Variants in USH2A observed in about 807,000 individuals in gnomAD.
USH2A encodes Usher syndrome 2A (autosomal recessive, mild).
USH2A carries 443 observed loss-of-function variants against 538.9 expected under a neutral mutation model. The observed-to-expected ratio is 0.82, with a 90% CI of 0.76 to 0.89. USH2A has a LOEUF of 0.89. Among genes scored for constraint, USH2A ranks in the 40% least tolerant of loss-of-function variants. The pLI is 0.00. For synonymous variants in USH2A, 2,413 were observed against 2,273.5 expected, an observed-to-expected ratio of 1.06 and a Z score of -1.75; for missense variants, 6,633 against 6,324.8, an observed-to-expected ratio of 1.05 and a Z score of -1.65.
intron 49 of USH2A, among the ~76,000 whole-genome samples, chr1:215,800,210 T>G (rs12130746): frequency 0.091 from 13,849 of 152,056 alleles, 670 homozygotes; most frequent in East Asian, 0.19. Context: ...GCTTCATTTC[T>G]CTTCTCTATC....
At chr1:216,032,192 CT>C (rs536151774) in intron 32 of USH2A, among the ~76,000 whole-genome samples, 2 of 150,930 alleles carry the variant, frequency 1.3e-5, no homozygotes, top group South Asian at 2.1e-4. Flanking sequence ...TAGAGACATG[CT>C]TTTTTTTTGC....
chr1:216,095,579 A>T (rs2032422792), intron 22 of USH2A, among the ~76,000 whole-genome samples: 1 of 152,216 alleles, frequency 6.6e-6, no homozygotes, highest in Middle Eastern at 3.4e-3. Context: ...CTGCATTACT[A>T]GGGGACGCTC....
chr1:215,909,247 T>C (rs1411875073), intron 38 of USH2A, among the ~76,000 whole-genome samples: 2 of 151,732 alleles, frequency 1.3e-5, no homozygotes, highest in African/African-American at 4.8e-5. Context: ...GGCAAAACTA[T>C]AGAGACGATA....
At chr1:216,125,334 G>A (rs146036401) in intron 21 of USH2A, among the ~76,000 whole-genome samples, 97 of 151,950 alleles carry the variant, frequency 6.4e-4, no homozygotes, top group African/African-American at 2.1e-3. Flanking sequence ...TCTCCTATCA[G>A]TGAATCGCTA....
rs201304798 is a variant in USH2A, at chr1:216,241,077, G to T, written c.2809+5508C>A. Among the ~76,000 whole-genome samples the T allele has an allele frequency of 3.3e-5, 5 of 152,076 alleles. No individual in the cohort carries two copies. In the East Asian group the frequency reaches 9.6e-4, roughly 29 times the overall value. On this transcript the variant is annotated intron_variant, in intron 13 of 71. Transcript: ENST00000307340. ...AAATATAGTCAAATCATATTATATG[G>T]CATAGCTGTACAGTAAATTTATATA...
At chr1:215,907,033 C>T (rs932525438) in intron 38 of USH2A, among the ~76,000 whole-genome samples, 1 of 151,918 alleles carries the variant, frequency 6.6e-6, no homozygotes, top group Non-Finnish European at 1.5e-5. Flanking sequence ...GGAAAATAGT[C>T]ACTTGGCAAG....
chr1:216,259,160 C>T (rs1418570048), intron 11 of USH2A, among the ~76,000 whole-genome samples: 1 of 152,034 alleles, frequency 6.6e-6, no homozygotes, highest in Non-Finnish European at 1.5e-5. Context: ...TTACAAACTC[C>T]AAAACATAGC....
At chr1:216,325,860 GATT>G (rs1357380418) in intron 5 of USH2A, among the ~76,000 whole-genome samples, 2 of 152,124 alleles carry the variant, frequency 1.3e-5, no homozygotes, top group Non-Finnish European at 2.9e-5. Context: ...GCCCTTGTCT[GATT>G]ATTAAGATAC....
intron 3 of USH2A, among the ~76,000 whole-genome samples, chr1:216,410,636 T>G (rs557652093): frequency 6.6e-6 from 1 of 152,220 alleles, no homozygotes; most frequent in African/African-American, 2.4e-5. Context: ...AGTTGAGAAT[T>G]ATTACCCTAA....
At chr1:215,664,761 A>G (rs187022043) in intron 64 of USH2A, among the ~76,000 whole-genome samples, 2 of 152,296 alleles carry the variant, frequency 1.3e-5, no homozygotes, top group Non-Finnish European at 2.9e-5. Context: ...GAAGGGGACT[A>G]GTGTTCTTCT....
Position 216,090,259 on chromosome 1 carries a change from T to C in USH2A, c.4759-1120A>G, listed in dbSNP as rs148666332. On this transcript the variant is annotated intron_variant, in intron 22 of 71. Transcript: ENST00000307340. ...GATGTAATGGTGCTGAAGATGTATATTGAAAAACATACAATGTTAATCATA... is the reference window on the plus strand; with the variant it reads ...GATGTAATGGTGCTGAAGATGTATACTGAAAAACATACAATGTTAATCATA... 1.9e-3 allele frequency among the ~76,000 whole-genome samples: 285 copies of C among 152,128 alleles called. 1 individual carries two copies. The highest frequency in any genetic ancestry group is 6.5e-3 in the African/African-American group (272 of 41,548).
At chr1:216,038,304 A>C (rs1298244476) in intron 32 of USH2A, among the ~76,000 whole-genome samples, 1 of 151,962 alleles carries the variant, frequency 6.6e-6, no homozygotes, top group Non-Finnish European at 1.5e-5. Context: ...TCCTTGCTTC[A>C]ATTTTACTGA....
At chr1:216,348,203 T>C (rs2038215060) in intron 4 of USH2A, among the ~76,000 whole-genome samples, 1 of 152,264 alleles carries the variant, frequency 6.6e-6, no homozygotes, top group East Asian at 1.9e-4. Flanking sequence ...ACAATAGATA[T>C]TTGCATAAGT....
intron 4 of USH2A, among the ~76,000 whole-genome samples, chr1:216,335,263 A>T (rs1165392662): frequency 6.6e-6 from 1 of 151,716 alleles, no homozygotes; most frequent in Non-Finnish European, 1.5e-5. Flanking sequence ...TGAACATGCA[A>T]CATATCACAC....
chr1:215,958,379 A>G (rs775210620), intron 37 of USH2A, among the ~76,000 whole-genome samples: 4 of 152,084 alleles, frequency 2.6e-5, no homozygotes, highest in Non-Finnish European at 5.9e-5. Context: ...GGGTGCTAGG[A>G]TTTTTCGGAA....
At position 215,896,535 on chromosome 1, in the gene USH2A, A is replaced by G. The variant is rs537335681; in HGVS notation, c.7594+3540T>C. Among the ~76,000 whole-genome samples, 4 of 152,300 alleles carry G rather than the reference A, an allele frequency of 2.6e-5. No individual in the cohort carries two copies. In the Middle Eastern group the frequency reaches 0.01, roughly 389 times the overall value. On this transcript the variant is annotated intron_variant, in intron 40 of 71. Coordinates refer to ENST00000307340, the MANE Select transcript of USH2A (RefSeq NM_206933.4). ...AAGTAGGTTAATTCATAGTTAACAC[A>G]AGGCAGGATTTCGGTAGGCAAAAGA...
intron 48 of USH2A, 137 bp from the exon 49 acceptor site, chr1:215,814,041 A>C (rs1484430839): frequency 3.8e-6 from 4 of 1,041,522 alleles, no homozygotes; most frequent in Non-Finnish European, 5.6e-6. Context: ...CGTTGGTTTA[A>C]AAATGTATTT....
intron 21 of USH2A, among the ~76,000 whole-genome samples, chr1:216,147,635 G>T (rs1066182): frequency 0.88 from 132,597 of 150,104 alleles, 58,756 homozygotes; most frequent in East Asian, 0.98. Context: ...ATTCCAGCCC[G>T]CAAACCCCAC....
intron 60 of USH2A, among the ~76,000 whole-genome samples, chr1:215,734,714 T>C (rs1006170891): frequency 6.6e-6 from 1 of 152,202 alleles, no homozygotes; most frequent in African/African-American, 2.4e-5. Flanking sequence ...ACTCTTAAGT[T>C]CTCACTTTCA....
Sources: allele counts gnomAD v4.1 joint callset (sites outside exome capture counted in the v4.1 genomes callset), GRCh38; gene constraint gnomAD v4.1.1; transcripts MANE v1.5; gene names NCBI Gene and HGNC (gene_info 2026-07-23, HGNC 2026-07-21).